The following ST8SIA4 variants were observed in gnomAD, a reference collection of about 807,000 sequenced individuals.
ST8SIA4 encodes ST8 alpha-N-acetyl-neuraminide alpha-2,8-sialyltransferase 4, also known as CMP-N-acetylneuraminate-poly-alpha-2,8-sialyltransferase.
Under a neutral mutation model 33.9 loss-of-function variants are expected in ST8SIA4, and 15 were observed. That is an observed-to-expected ratio of 0.44 (90% CI 0.30 to 0.68). ST8SIA4 has a LOEUF of 0.68. Ranked by LOEUF, ST8SIA4 falls within the 30% of genes least tolerant of loss-of-function variation. The pLI, the probability that ST8SIA4 is intolerant of heterozygous loss-of-function variation, is 0.10. For synonymous variants in ST8SIA4, 171 were observed against 151.2 expected (o/e 1.13, Z -0.96); for missense variants, 321 against 428.0 (o/e 0.75, Z 2.21).
intron 4 of ST8SIA4, among the ~76,000 whole-genome samples, chr5:100,851,260 C>G (rs1362745054): frequency 6.6e-6 from 1 of 151,764 alleles, no homozygotes; most frequent in East Asian, 1.9e-4. Context: ...CATGCCCGGC[C>G]TATTGTAAGC....
At chr5:100,851,866 A>G (rs73775451) in intron 4 of ST8SIA4, among the ~76,000 whole-genome samples, 56 of 152,080 alleles carry the variant, frequency 3.7e-4, no homozygotes, top group African/African-American at 1.3e-3. Context: ...TAAAATAAGA[A>G]TTTTTACCTA....
At chr5:100,845,446 C>T (rs1476902382) in intron 4 of ST8SIA4, among the ~76,000 whole-genome samples, 2 of 151,570 alleles carry the variant, frequency 1.3e-5, no homozygotes, top group Non-Finnish European at 2.9e-5. Context: ...GCGTAATCGA[C>T]CAGTCATCTT....
At chr5:100,839,816 A>C (rs1208207288) in intron 4 of ST8SIA4, among the ~76,000 whole-genome samples, 1 of 151,888 alleles carries the variant, frequency 6.6e-6, no homozygotes, top group Non-Finnish European at 1.5e-5. Flanking sequence ...AGATTGGTCT[A>C]AAGAGAGCTG....
At chr5:100,876,164 A>AATAT (rs1752299001) in intron 3 of ST8SIA4, among the ~76,000 whole-genome samples, 1 of 152,122 alleles carries the variant, frequency 6.6e-6, no homozygotes, top group Non-Finnish European at 1.5e-5. Context: ...TGAAAAAGAG[A>AATAT]ATATGAGAGA....
chr5:100,884,341 C>T (rs772032405), intron 3 of ST8SIA4, among the ~76,000 whole-genome samples: 1 of 152,156 alleles, frequency 6.6e-6, no homozygotes, highest in Non-Finnish European at 1.5e-5. Flanking sequence ...GCTGTGAAGG[C>T]AATACCATCA....
Position 100,849,413 on chromosome 5 carries a change from G to A in ST8SIA4, c.797+6690C>T, listed in dbSNP as rs1189046698. 10 of 985,230 alleles carry A rather than the reference G, an allele frequency of 1.0e-5. No individual in the cohort carries two copies. The Admixed American group carries it at 2.5e-4, about 24-fold the overall frequency. 61.0% of individuals were successfully genotyped at this position (985,230 alleles called of 1,614,324 possible). ...TTCTCTACGTCAGTGTTCTTAGTTA[G>A]AATTGTTCAAATCCTCTTTAAAATC... On this transcript the variant is annotated intron_variant, in intron 4 of 4. Transcript: ENST00000231461.
intron 1 of ST8SIA4, among the ~76,000 whole-genome samples, chr5:100,898,233 G>C (rs1752821843): frequency 6.6e-6 from 1 of 152,088 alleles, no homozygotes; most frequent in South Asian, 2.1e-4. Context: ...CTGAGGTGGG[G>C]GGATTACTTG....
chr5:100,853,815 G>A (rs1193517463), intron 4 of ST8SIA4, among the ~76,000 whole-genome samples: 11 of 152,006 alleles, frequency 7.2e-5, no homozygotes, highest in Non-Finnish European at 1.5e-5. Context: ...TTCATGCTTT[G>A]GTTTTGGTAT....
intron 4 of ST8SIA4, among the ~76,000 whole-genome samples, chr5:100,853,875 GAGTAATCTTAAGT>G (rs1751754705): frequency 6.6e-6 from 1 of 152,146 alleles, no homozygotes; most frequent in Non-Finnish European, 1.5e-5. Flanking sequence ...TACTAATTCA[GAGTAATCTTAAGT>G]TTTCTCATTA....
At chr5:100,822,940 G>A (rs1751059401) in intron 4 of ST8SIA4, among the ~76,000 whole-genome samples, 1 of 152,222 alleles carries the variant, frequency 6.6e-6, no homozygotes, top group East Asian at 1.9e-4. Context: ...GATCATCCTG[G>A]CTAACACGGT....
intron 3 of ST8SIA4, among the ~76,000 whole-genome samples, chr5:100,864,942 T>C (rs757510276): frequency 2.6e-5 from 4 of 152,202 alleles, no homozygotes; most frequent in Non-Finnish European, 5.9e-5. Context: ...TGTTCTTATC[T>C]TGTCCATACC....
intron 3 of ST8SIA4, among the ~76,000 whole-genome samples, chr5:100,882,366 A>C (rs571484928): frequency 6.6e-6 from 1 of 152,218 alleles, no homozygotes; most frequent in African/African-American, 2.4e-5. Flanking sequence ...TGGCAGAAGA[A>C]ATTTCTAAGC....
chr5:100,886,494 G>C lies in ST8SIA4; in HGVS notation c.352C>G (p.Leu118Val). Residue 118 changes from leucine (L) to valine (V), a missense_variant, in exon 3 of 5, where the codon CTA becomes GTA. Leu to Val is a conservative substitution (Grantham distance 32). Coordinates refer to ENST00000231461, the MANE Select transcript of ST8SIA4 (RefSeq NM_005668.6). ...CTATGTAGATCATGAGAAATGTTTA[G>C]TGTCCGGCGCCTGTCAAGCACATAG... ...IHYVLDRRRT[L>V]NISHDLHSLL... The C allele has an allele frequency of 1.9e-6, 3 of 1,613,878 alleles. No individual in the cohort carries two copies. The highest frequency in any genetic ancestry group is 2.5e-6 in the Non-Finnish European group (3 of 1,179,810).
At chr5:100,858,377 T>C (rs1180819247) in intron 3 of ST8SIA4, among the ~76,000 whole-genome samples, 4 of 152,034 alleles carry the variant, frequency 2.6e-5, no homozygotes, top group Non-Finnish European at 5.9e-5. Flanking sequence ...ATTCCAATTG[T>C]AGAGAAAACA....
chr5:100,823,767 A>G (rs570931785), intron 4 of ST8SIA4, among the ~76,000 whole-genome samples: 2 of 152,338 alleles, frequency 1.3e-5, no homozygotes, highest in East Asian at 1.9e-4. Context: ...GGACTATACA[A>G]TTCAACTCAA....
intron 4 of ST8SIA4, among the ~76,000 whole-genome samples, chr5:100,828,490 A>G (rs1454595295): frequency 1.3e-5 from 2 of 152,178 alleles, no homozygotes; most frequent in Non-Finnish European, 2.9e-5. Context: ...GTGGCTCATT[A>G]TGGATCAAAA....
intron 2 of ST8SIA4, among the ~76,000 whole-genome samples, chr5:100,890,235 T>G (rs1752630532): frequency 6.6e-6 from 1 of 151,860 alleles, no homozygotes; most frequent in South Asian, 2.1e-4. Flanking sequence ...GTTTTTAGAT[T>G]GTAGATGTAA....
intron 4 of ST8SIA4, among the ~76,000 whole-genome samples, chr5:100,817,791 A>G (rs1291848350): frequency 6.6e-6 from 1 of 152,224 alleles, no homozygotes; most frequent in Non-Finnish European, 1.5e-5. Context: ...AGTAATCCTT[A>G]TAGTATGCCA....
At position 100,811,576 on chromosome 5, in the gene ST8SIA4, T is replaced by A. The variant is rs961858928; in HGVS notation, c.*271A>T. 3 of 354,484 alleles carry A rather than the reference T, an allele frequency of 8.5e-6. No homozygotes were observed. The highest frequency in any genetic ancestry group is 1.6e-5 in the Non-Finnish European group (3 of 191,240). The allele number at this position is 354,484 out of a possible 1,614,324, so 22.0% of individuals were successfully genotyped here. ...CTTTGTTAACTAATGATGAGTGCACTGTTGGATCTTGTAAACACTACTGAT... is the reference window on the plus strand; with the variant it reads ...CTTTGTTAACTAATGATGAGTGCACAGTTGGATCTTGTAAACACTACTGAT... On this transcript the variant is annotated 3_prime_UTR_variant, in exon 5 of 5. Coordinates refer to ENST00000231461, the MANE Select transcript of ST8SIA4 (RefSeq NM_005668.6).
Sources: allele counts gnomAD v4.1 joint callset (sites outside exome capture counted in the v4.1 genomes callset), GRCh38; gene constraint gnomAD v4.1.1; transcripts MANE v1.5; gene names NCBI Gene and HGNC (gene_info 2026-07-23, HGNC 2026-07-21).